Variants in ITPR1 observed in about 807,000 individuals in gnomAD.
ITPR1 encodes inositol 1,4,5-trisphosphate-gated calcium channel ITPR1.
In ITPR1, 96 loss-of-function variants were observed where a neutral mutation model predicts 318.4. The observed-to-expected ratio is 0.30, with a 90% CI of 0.26 to 0.36. The LOEUF is 0.36. Ranked by LOEUF, ITPR1 falls within the 10% of genes least tolerant of loss-of-function variation. The pLI is 1.00. For synonymous variants in ITPR1, 1,312 were observed against 1,289.9 expected (o/e 1.02, Z -0.37); for missense variants, 2,440 against 3,460.2 (o/e 0.71, Z 7.40).
chr3:4,788,985 A>G (rs923419703), intron 52 of ITPR1, among the ~76,000 whole-genome samples: 74 of 152,268 alleles, frequency 4.9e-4, no homozygotes, highest in African/African-American at 1.7e-3. Context: ...GATGCTGCCA[A>G]TCTGAGCAGG....
At chr3:4,616,692 A>C (rs1463702863) in intron 4 of ITPR1, among the ~76,000 whole-genome samples, 1 of 152,202 alleles carries the variant, frequency 6.6e-6, no homozygotes, top group Non-Finnish European at 1.5e-5. Flanking sequence ...AGAAGGGACT[A>C]TGTTTAATTG....
At chr3:4,787,292 C>A (rs999554586) in intron 51 of ITPR1, among the ~76,000 whole-genome samples, 3 of 130,458 alleles carry the variant, frequency 2.3e-5, no homozygotes, top group African/African-American at 8.7e-5. Context: ...GAGCTGAGAT[C>A]GCACCACCAT....
chr3:4,512,990 G>A (rs2081946877), intron 2 of ITPR1, among the ~76,000 whole-genome samples: 1 of 152,130 alleles, frequency 6.6e-6, no homozygotes, highest in African/African-American at 2.4e-5. Context: ...TTGAAGTTCC[G>A]CAGCTCCGTG....
chr3:4,759,566 G>A (rs922048890), intron 44 of ITPR1, among the ~76,000 whole-genome samples: 1 of 152,190 alleles, frequency 6.6e-6, no homozygotes, highest in African/African-American at 2.4e-5. Flanking sequence ...TGGAAGGATG[G>A]ACGACATGGG....
At position 4,779,162 on chromosome 3, in the gene ITPR1, C is replaced by T. The variant is rs890225936; in HGVS notation, c.6292-388C>T. Among the ~76,000 whole-genome samples, 1 of 152,352 alleles carries T rather than the reference C, an allele frequency of 6.6e-6. No individual in the cohort carries two copies. Among genetic ancestry groups the T allele is most frequent in the East Asian group, 1.9e-4 (1 of 5,180 alleles). ...ATAACAGTTTGTAACCACACCTGCC[C>T]GGAAGGCAGCACAGATCTGTGTAGT... On this transcript the variant is annotated intron_variant, in intron 48 of 61. Coordinates refer to ENST00000649015, the MANE Select transcript of ITPR1 (RefSeq NM_001378452.1). This position sits in a 1 kb window ranked among gnomAD's most constrained non-coding sequence, Gnocchi z 4.0.
chr3:4,525,080 G>T (rs2082870382), intron 4 of ITPR1, among the ~76,000 whole-genome samples: 1 of 151,826 alleles, frequency 6.6e-6, no homozygotes, highest in South Asian at 2.1e-4. Flanking sequence ...ATTATATATT[G>T]TTATTTTTTT....
intron 51 of ITPR1, among the ~76,000 whole-genome samples, chr3:4,786,998 A>G (rs55675014): frequency 0.021 from 3,258 of 152,322 alleles, 59 homozygotes; most frequent in South Asian, 0.047. Flanking sequence ...ACTCTCCAAC[A>G]TGATAGTCAC....
intron 45 of ITPR1, among the ~76,000 whole-genome samples, chr3:4,767,104 C>T (rs1387851949): frequency 6.6e-6 from 1 of 152,214 alleles, no homozygotes; most frequent in East Asian, 1.9e-4. Flanking sequence ...GCTTTTTATC[C>T]AGTATCTCAC....
intron 4 of ITPR1, among the ~76,000 whole-genome samples, chr3:4,570,056 GTA>G (rs1559466250): frequency 1.3e-5 from 2 of 151,992 alleles, no homozygotes. Context: ...GGAGAATTGC[GTA>G]TTTTTACACT....
At chr3:4,719,293 G>C (rs1161729322) in intron 40 of ITPR1, among the ~76,000 whole-genome samples, 1 of 152,230 alleles carries the variant, frequency 6.6e-6, no homozygotes, top group Non-Finnish European at 1.5e-5. Context: ...AACTGCCAGC[G>C]CTGGGACACC....
At chr3:4,717,254 G>C in intron 39 of ITPR1, 113 bp from the exon 40 acceptor site, 2 of 922,386 alleles carry the variant, frequency 2.2e-6, no homozygotes, top group Non-Finnish European at 3.4e-6. Context: ...TACCCATCTA[G>C]CAAGGCTTTA....
At chr3:4,561,486 T>C (rs1451767092) in intron 4 of ITPR1, among the ~76,000 whole-genome samples, 1 of 152,172 alleles carries the variant, frequency 6.6e-6, no homozygotes, top group Non-Finnish European at 1.5e-5. Flanking sequence ...AAATACATAA[T>C]TTTATAGAAT....
intron 40 of ITPR1, among the ~76,000 whole-genome samples, chr3:4,725,104 G>A (rs990824609): frequency 5.3e-5 from 8 of 151,938 alleles, no homozygotes; most frequent in Admixed American, 6.6e-5. Flanking sequence ...CATGTGGCAC[G>A]TGGAACTTTC....
chr3:4,787,293 G>A (rs1464567699), intron 51 of ITPR1, among the ~76,000 whole-genome samples: 3 of 119,112 alleles, frequency 2.5e-5, no homozygotes, highest in Admixed American at 1.2e-4. Context: ...AGCTGAGATC[G>A]CACCACCATA....
At chr3:4,550,445 T>G (rs913406030) in intron 4 of ITPR1, among the ~76,000 whole-genome samples, 8 of 152,222 alleles carry the variant, frequency 5.3e-5, no homozygotes, top group African/African-American at 1.9e-4. Flanking sequence ...ATGTAGTGCC[T>G]GGTCCATAAT....
chr3:4,648,085 G>A (rs1204726245), intron 10 of ITPR1, among the ~76,000 whole-genome samples: 3 of 152,144 alleles, frequency 2.0e-5, no homozygotes, highest in Non-Finnish European at 4.4e-5. Context: ...CCAGGAGGCG[G>A]AGGTTGTGGT....
chr3:4,749,139 G>T (rs959465506), intron 44 of ITPR1: 2 of 152,178 alleles, frequency 1.3e-5, no homozygotes, highest in Non-Finnish European at 2.9e-5. Flanking sequence ...AGGTAACCTT[G>T]AATACTAATT....
intron 4 of ITPR1, among the ~76,000 whole-genome samples, chr3:4,566,604 G>A (rs201718394): frequency 2.1e-5 from 3 of 140,894 alleles, no homozygotes; most frequent in African/African-American, 5.4e-5. Flanking sequence ...GGGGACACAT[G>A]CACACACACA....
intron 4 of ITPR1, among the ~76,000 whole-genome samples, chr3:4,577,453 G>C (rs754135800): frequency 6.6e-6 from 1 of 152,178 alleles, no homozygotes; most frequent in Non-Finnish European, 1.5e-5. Flanking sequence ...GCTAGCAGGC[G>C]AACCATGCTG....
Sources: gnomAD v4.1 joint callset for allele counts (sites outside exome capture counted in the v4.1 genomes callset) on GRCh38, gnomAD v4.1.1 for gene constraint, Gnocchi (gnomAD v3.1) non-coding constraint, MANE v1.5 for transcripts, NCBI Gene and HGNC (gene_info 2026-07-23, HGNC 2026-07-21) for gene names.